Variants in CFAP47 observed in about 807,000 individuals in gnomAD.
CFAP47 encodes the protein cilia and flagella associated protein 47.
Under a neutral mutation model 148.1 loss-of-function variants are expected in CFAP47, and 29 were observed. That is an observed-to-expected ratio of 0.20 (90% confidence interval 0.15 to 0.27). The LOEUF is 0.27. Ranked by LOEUF, CFAP47 falls within the 10% of genes least tolerant of loss-of-function variation. CFAP47 has a pLI of 1.00. For missense variants in CFAP47, 1,872 were observed against 1,697.5 expected, an observed-to-expected ratio of 1.10 and a Z score of -1.81; for synonymous variants, 664 against 577.3, an observed-to-expected ratio of 1.15 and a Z score of -2.15.
chrX:35,924,248 C>CAT (rs1935672234), intron 1 of CFAP47, among the ~76,000 whole-genome samples: 1 of 84,628 alleles, frequency 1.2e-5, no homozygotes. Context: ...TGTATGTGTG[C>CAT]ATATGGACAT....
In CFAP47 at chrX:35,976,048, G is replaced by C. The variant is rs1246185064; in HGVS notation, c.2713+135G>C. On this transcript the variant is annotated intron_variant, in intron 15 of 63. Coordinates refer to ENST00000378653, the MANE Select transcript of CFAP47 (RefSeq NM_001304548.2). The stretch of plus-strand genomic sequence containing the variant: ...GAAGTAAATCAGATACTGTCATCAG[G>C]GGTATTTATTTTTACAGATATAATA... 3 of 619,898 alleles carry C rather than the reference G, an allele frequency of 4.8e-6. No individual in the cohort carries two copies. The Admixed American group carries it at 1.0e-4, about 22-fold the overall frequency. The allele number at this position is 619,898 out of a possible 1,213,427, so 51.1% of individuals were successfully genotyped here. A position where few individuals can be genotyped will look rare whatever the true frequency, so the allele number is the denominator to read the frequency against.
intron 3 of CFAP47, among the ~76,000 whole-genome samples, chrX:35,947,418 C>T (rs749654006): frequency 9.3e-6 from 1 of 107,737 alleles, no homozygotes; most frequent in Non-Finnish European, 1.9e-5. Flanking sequence ...AGCAGTTACT[C>T]AGGAGAAACA....
At chrX:35,955,447 C>T (rs1295717706) in intron 7 of CFAP47, among the ~76,000 whole-genome samples, 3 of 111,970 alleles carry the variant, frequency 2.7e-5, no homozygotes, top group Non-Finnish European at 3.8e-5. Flanking sequence ...TCTTTAAAGG[C>T]GTTTGAACAT....
intron 57 of CFAP47, among the ~76,000 whole-genome samples, chrX:36,333,537 G>T (rs1389396618): frequency 9.0e-6 from 1 of 110,856 alleles, no homozygotes; most frequent in Non-Finnish European, 1.9e-5. Flanking sequence ...TGATTTTTCA[G>T]CCATCAAAGA....
rs938429358 is a variant in CFAP47 at position 36,027,329 on chromosome X, C to T, written c.3557-3924C>T. Among the ~76,000 whole-genome samples the T allele has an allele frequency of 3.7e-5, 4 of 108,916 alleles. No individual in the cohort carries two copies. The South Asian group carries it at 1.2e-3, about 32-fold the overall frequency. 94.6% of individuals were successfully genotyped at this position (108,916 alleles called of 115,157 possible). A position where few individuals can be genotyped will look rare whatever the true frequency, so the allele number is the denominator to read the frequency against. On this transcript the variant is annotated intron_variant, in intron 22 of 63. Transcript: ENST00000378653. Reference sequence around the variant, plus strand: ...AGCCAGTAGGTAAGTTTTCAACCCTCGCCATCTCACACCATCCCACCTTTT... The same window carrying T: ...AGCCAGTAGGTAAGTTTTCAACCCTTGCCATCTCACACCATCCCACCTTTT...
rs780863747 is a variant in CFAP47, at chrX:36,002,496, C to T, written c.3417+789C>T. On this transcript the variant is annotated intron_variant, in intron 21 of 63. Transcript: ENST00000378653. ...ACTCAGGAGGCTGAGGCAGGAGAGT[C>T]GCTTGAACCTGGGAGGCAGAGGTTG... Among the ~76,000 whole-genome samples the T allele has an allele frequency of 4.5e-5, 5 of 110,792 alleles. No individual in the cohort carries two copies. In the South Asian group the frequency reaches 1.9e-3, roughly 43 times the overall value.
At chrX:36,260,192 AT>A (rs1488408377) in intron 49 of CFAP47, among the ~76,000 whole-genome samples, 1 of 111,721 alleles carries the variant, frequency 9.0e-6, no homozygotes, top group African/African-American at 3.3e-5. Context: ...GATAAACAAT[AT>A]GAGCACATAA....
chrX:36,071,288 C>G (rs1156734883), intron 27 of CFAP47, among the ~76,000 whole-genome samples: 1 of 112,186 alleles, frequency 8.9e-6, no homozygotes, highest in Non-Finnish European at 1.9e-5. Flanking sequence ...TGGTTGGATT[C>G]AGATTTACAC....
rs756788978 is a variant in CFAP47, at chrX:35,975,654, G to A, written c.2472-18G>A. On this transcript the variant is annotated intron_variant, in intron 14 of 63. Transcript: ENST00000378653. ...TAACTATTATCAGTTAAATTTGGAT[G>A]CTTTTGCTGCATTACAGGTCTTTCA... 1 of 1,203,758 alleles carries A rather than the reference G, an allele frequency of 8.3e-7. No homozygotes were observed. Among genetic ancestry groups the A allele is most frequent in the Admixed American group, 2.2e-5 (1 of 45,221 alleles).
chrX:36,220,994 A>G (rs1486307452), intron 45 of CFAP47, among the ~76,000 whole-genome samples: 1 of 111,796 alleles, frequency 8.9e-6, no homozygotes, highest in Non-Finnish European at 1.9e-5. Flanking sequence ...ATGAGTAAAG[A>G]TGAAATAATA....
intron 49 of CFAP47, among the ~76,000 whole-genome samples, chrX:36,253,273 A>G (rs1192129334): frequency 3.6e-5 from 4 of 111,643 alleles, no homozygotes; most frequent in African/African-American, 1.3e-4. Context: ...AATATTTACA[A>G]GACGTGATCA....
chrX:36,194,629 G>A (rs1301116014), intron 42 of CFAP47, among the ~76,000 whole-genome samples: 2 of 111,724 alleles, frequency 1.8e-5, no homozygotes, highest in East Asian at 5.6e-4. Context: ...GTGGCAGAAG[G>A]AGAAGGAGAA....
intron 7 of CFAP47, among the ~76,000 whole-genome samples, chrX:35,953,938 T>G (rs1475467125): frequency 9.0e-6 from 1 of 111,405 alleles, no homozygotes; most frequent in Admixed American, 9.6e-5. Flanking sequence ...GAAGTTAGGT[T>G]ATAATTTTAA....
chrX:36,337,059 G>A (rs1438597591), intron 57 of CFAP47, among the ~76,000 whole-genome samples: 2 of 112,076 alleles, frequency 1.8e-5, no homozygotes, highest in African/African-American at 6.5e-5. Context: ...TTGTAATTAT[G>A]ATTTATAGCC....
intron 33 of CFAP47, among the ~76,000 whole-genome samples, chrX:36,121,754 G>A (rs1938748592): frequency 9.0e-6 from 1 of 111,140 alleles, no homozygotes; most frequent in African/African-American, 3.3e-5. Context: ...TAATGTTTTT[G>A]TAGTTATTAG....
At chrX:36,020,883 CTT>C (rs1049015868) in intron 22 of CFAP47, among the ~76,000 whole-genome samples, 2 of 110,702 alleles carry the variant, frequency 1.8e-5, no homozygotes, top group Non-Finnish European at 3.8e-5. Context: ...GTTTTGTGGT[CTT>C]TGTTTTCTTC....
At chrX:36,381,006 ATT>A (rs1295508276) in intron 63 of CFAP47, among the ~76,000 whole-genome samples, 5 of 111,865 alleles carry the variant, frequency 4.5e-5, no homozygotes, top group Non-Finnish European at 9.4e-5. Context: ...AGAATATGCC[ATT>A]TTTAGCCTGA....
At chrX:35,968,872 G>A (rs1455014282) in intron 10 of CFAP47, among the ~76,000 whole-genome samples, 1 of 109,549 alleles carries the variant, frequency 9.1e-6, no homozygotes, top group Non-Finnish European at 1.9e-5. Context: ...TTTTCCTCTG[G>A]CTCATTCTGT....
At chrX:36,175,557 C>G (rs932304255) in intron 39 of CFAP47, among the ~76,000 whole-genome samples, 10 of 111,735 alleles carry the variant, frequency 8.9e-5, no homozygotes, top group African/African-American at 3.3e-4. Context: ...AGTACCCGGC[C>G]GTGTGAAGTG....
Sources: gnomAD v4.1 joint callset for allele counts (sites outside exome capture counted in the v4.1 genomes callset) on GRCh38, gnomAD v4.1.1 for gene constraint, MANE v1.5 for transcripts, NCBI Gene and HGNC (gene_info 2026-07-23, HGNC 2026-07-21) for gene names.